SP140L: variants seen among roughly 807,000 people sequenced by gnomAD.
SP140L encodes the protein nuclear body protein SP140-like protein.
Under a neutral mutation model 84.3 loss-of-function variants are expected in SP140L, and 64 were observed. The ratio of observed to expected loss-of-function variants is 0.76; its 90% CI spans 0.62 to 0.94. SP140L has a LOEUF of 0.94. SP140L is among the 40% of genes least tolerant of loss of function. The probability of loss-of-function intolerance (pLI) is 0.00; values close to 1 mark genes in which losing one functional copy is unlikely to be tolerated. For missense variants in SP140L, 628 were observed against 692.5 expected (o/e 0.91, Z 1.05); for synonymous variants, 242 against 236.9 (o/e 1.02, Z -0.20).
chr2:230,380,271 C>T (rs187238211), intron 7 of SP140L, among the ~76,000 whole-genome samples: 24 of 152,160 alleles, frequency 1.6e-4, no homozygotes, highest in African/African-American at 4.6e-4. Flanking sequence ...AACTGCCCCC[C>T]GATTCAATTT....
chr2:230,385,090 G>A lies in SP140L; in HGVS notation c.704-134G>A, dbSNP rs1442832591. 5 of 738,486 alleles carry A rather than the reference G, an allele frequency of 6.8e-6. No individual in the cohort carries two copies. In the East Asian group the frequency reaches 1.0e-4, roughly 15 times the overall value. The allele number at this position is 738,486 out of a possible 1,614,324, so 45.7% of individuals were successfully genotyped here. A position where few individuals can be genotyped will look rare whatever the true frequency, so the allele number is the denominator to read the frequency against. On this transcript the variant is annotated intron_variant, in intron 8 of 18. Transcript: ENST00000415673. ...AATTTAGAAGTCAACACTCCCCAAA[G>A]CAGAAAATGCTCTGGACACCTGCTC...
intron 6 of SP140L, 21 bp downstream of exon 6, chr2:230,370,988 T>G: frequency 6.2e-7 from 1 of 1,611,176 alleles, no homozygotes; most frequent in Non-Finnish European, 8.5e-7. Flanking sequence ...CTGAGGGCTG[T>G]GGGATGGGGT....
intron 2 of SP140L, among the ~76,000 whole-genome samples, chr2:230,352,632 C>T (rs1415470827): frequency 1.3e-5 from 2 of 152,090 alleles, no homozygotes; most frequent in African/African-American, 4.8e-5. Context: ...CAAACCATAT[C>T]ATTTGGCAAA....
At chr2:230,392,338 G>A in intron 12 of SP140L, 109 bp downstream of exon 12, 1 of 1,522,522 alleles carries the variant, frequency 6.6e-7, no homozygotes, top group Non-Finnish European at 8.9e-7. Context: ...AAGCCTTGAT[G>A]CCAGTGAGTT....
chr2:230,392,161 T>C lies in SP140L; in HGVS notation c.1039T>C (p.Tyr347His), dbSNP rs1005701950. Residue 347 changes from tyrosine to histidine, a missense_variant, in exon 12 of 19, where the codon TAC becomes CAC. This residue lies in a region of SP140L where 525 missense variants were observed against 518.4 expected (regional missense o/e 1.01). Transcript: ENST00000415673. Reference protein sequence around the residue: ...TPMEFEIKGGYARSKNWRLSV... With the variant: ...TPMEFEIKGGHARSKNWRLSV... ...CATGGAATTTGAAATCAAAGGAGGC[T>C]ACGCAAGATCAAAGAACTGGAGGCT... The C allele has an allele frequency of 4.3e-6, 7 of 1,613,920 alleles. No homozygotes were observed. The highest frequency in any genetic ancestry group is 2.7e-5 in the African/African-American group (2 of 74,878).
At chr2:230,366,899 A>AT (rs1466267509) in intron 5 of SP140L, among the ~76,000 whole-genome samples, 1 of 151,734 alleles carries the variant, frequency 6.6e-6, no homozygotes, top group Non-Finnish European at 1.5e-5. Context: ...AGCCTGGCTA[A>AT]TTTTTTGTAT....
At chr2:230,344,145 G>A (rs372469049) in intron 2 of SP140L, among the ~76,000 whole-genome samples, 1 of 152,172 alleles carries the variant, frequency 6.6e-6, no homozygotes, top group African/African-American at 2.4e-5. Flanking sequence ...CTATTACTGT[G>A]TGAGAGTCTA....
intron 7 of SP140L, among the ~76,000 whole-genome samples, chr2:230,375,197 G>A (rs1006322814): frequency 1.3e-5 from 2 of 152,138 alleles, no homozygotes; most frequent in Non-Finnish European, 2.9e-5. Flanking sequence ...ATAATTAAGA[G>A]ATATAACCCC....
At chr2:230,380,751 T>C (rs1282989059) in intron 7 of SP140L, among the ~76,000 whole-genome samples, 1 of 152,202 alleles carries the variant, frequency 6.6e-6, no homozygotes, top group Non-Finnish European at 1.5e-5. Context: ...CTCTTTATTG[T>C]GAGATTTATT....
chr2:230,367,649 A>G (rs989209754), intron 5 of SP140L, among the ~76,000 whole-genome samples: 2 of 151,996 alleles, frequency 1.3e-5, no homozygotes, highest in Non-Finnish European at 2.9e-5. Flanking sequence ...GTGTTCCTTA[A>G]CAAATTATTG....
At chr2:230,335,583 T>C (rs2059846030) in intron 2 of SP140L, among the ~76,000 whole-genome samples, 2 of 152,338 alleles carry the variant, frequency 1.3e-5, no homozygotes, top group South Asian at 4.1e-4. Flanking sequence ...TTTTGGTTTG[T>C]GAGAGTCTAC....
intron 7 of SP140L, chr2:230,372,513 C>T (rs569115928): frequency 2.0e-5 from 3 of 152,124 alleles, no homozygotes; most frequent in African/African-American, 7.2e-5. Flanking sequence ...ATCACGAGGT[C>T]AGGAGATCGA....
chr2:230,330,161 T>A (rs779703128), intron 2 of SP140L, among the ~76,000 whole-genome samples: 13 of 152,174 alleles, frequency 8.5e-5, no homozygotes, highest in Non-Finnish European at 1.9e-4. Flanking sequence ...AGAGTCATGG[T>A]TTTTTTCAAG....
intron 15 of SP140L, chr2:230,400,515 T>C (rs1167223675): frequency 4.1e-6 from 2 of 487,092 alleles, no homozygotes; most frequent in African/African-American, 1.9e-5. Context: ...CTTGAAGTTT[T>C]GCAGTAGGGT....
intron 13 of SP140L, among the ~76,000 whole-genome samples, chr2:230,394,582 C>G (rs573786140): frequency 6.6e-6 from 1 of 152,342 alleles, no homozygotes; most frequent in East Asian, 1.9e-4. Context: ...TACCTTTCCC[C>G]AGGTGCCAAG....
intron 2 of SP140L, among the ~76,000 whole-genome samples, chr2:230,353,783 AT>A (rs1356942863): frequency 2.6e-5 from 4 of 151,604 alleles, no homozygotes; most frequent in Non-Finnish European, 4.4e-5. Context: ...TTTATAATTC[AT>A]TGTTTTTCTT....
At chr2:230,345,803 C>A (rs991171702) in intron 2 of SP140L, among the ~76,000 whole-genome samples, 3 of 152,024 alleles carry the variant, frequency 2.0e-5, no homozygotes, top group Non-Finnish European at 4.4e-5. Context: ...ACTAATGTTA[C>A]AATTTACATA....
intron 9 of SP140L, among the ~76,000 whole-genome samples, chr2:230,386,899 A>G (rs2061604948): frequency 6.6e-6 from 1 of 152,212 alleles, no homozygotes; most frequent in Admixed American, 6.5e-5. Flanking sequence ...TGGCTGGAAT[A>G]TAGGAGGGAA....
At chr2:230,347,790 C>T (rs555569768) in intron 2 of SP140L, among the ~76,000 whole-genome samples, 3 of 152,278 alleles carry the variant, frequency 2.0e-5, no homozygotes, top group African/African-American at 7.2e-5. Flanking sequence ...TGACTAGGCA[C>T]CCAAGCCAGT....
Sources: allele counts gnomAD v4.1 joint callset (sites outside exome capture counted in the v4.1 genomes callset), GRCh38; gene constraint gnomAD v4.1.1; regional missense constraint gnomAD v4.1.1; transcripts MANE v1.5; gene names NCBI Gene and HGNC (gene_info 2026-07-23, HGNC 2026-07-21).